The following KIAA1217 variants were observed in gnomAD, a reference collection of about 807,000 sequenced individuals.
The protein encoded by KIAA1217 is sickle tail protein homolog.
KIAA1217 carries 88 observed loss-of-function variants against 163.9 expected under a neutral mutation model. The observed-to-expected ratio is 0.54, with a 90% CI of 0.45 to 0.64. The LOEUF is 0.64. KIAA1217 is among the 30% of genes least tolerant of loss of function. KIAA1217 has a pLI of 0.00. For synonymous variants in KIAA1217, 903 were observed against 923.1 expected (o/e 0.98, Z 0.39); for missense variants, 2,372 against 2,475.0 (o/e 0.96, Z 0.88).
At position 24,261,292 on chromosome 10, in the gene KIAA1217, G is replaced by A. The variant is rs183669257; in HGVS notation, c.354+41383G>A. On this transcript the variant is annotated intron_variant, in intron 2 of 20. Coordinates refer to ENST00000376454, the MANE Select transcript of KIAA1217 (RefSeq NM_019590.5). ...GCAGGTGGATTACTTGAGGTCAGGC[G>A]TTTGAGACCAGCCTGGCCAACATGG... Among the ~76,000 whole-genome samples the A allele has an allele frequency of 6.6e-5, 10 of 152,128 alleles. No individual in the cohort carries two copies. The South Asian group carries it at 1.0e-3, about 16-fold the overall frequency.
chr10:24,327,114 G>C (rs2045024508), intron 2 of KIAA1217, among the ~76,000 whole-genome samples: 1 of 152,204 alleles, frequency 6.6e-6, no homozygotes, highest in Non-Finnish European at 1.5e-5. Context: ...ATATTAGAAT[G>C]GATGCAAGCT....
intron 1 of KIAA1217, among the ~76,000 whole-genome samples, chr10:23,745,003 CA>C (rs985790940): frequency 6.6e-6 from 1 of 151,630 alleles, no homozygotes; most frequent in African/African-American, 2.4e-5. Flanking sequence ...TAGGATCACC[CA>C]AAAAAAATCC....
At chr10:23,902,949 A>T (rs1307254612) in intron 1 of KIAA1217, among the ~76,000 whole-genome samples, 1 of 152,028 alleles carries the variant, frequency 6.6e-6, no homozygotes, top group Non-Finnish European at 1.5e-5. Context: ...GGGAAGGGGG[A>T]TTCTTAATGA....
chr10:24,470,469 C>G (rs2063389998), intron 5 of KIAA1217, among the ~76,000 whole-genome samples: 1 of 152,060 alleles, frequency 6.6e-6, no homozygotes, highest in African/African-American at 2.4e-5. Context: ...GCACCTGGAG[C>G]CTGACCTCGA....
rs1592411580 is a variant in KIAA1217 at position 24,497,339 on chromosome 10, C to A, written c.1834+2143C>A. On this transcript the variant is annotated intron_variant, in intron 8 of 20. Transcript: ENST00000376454. ...ACTGAGCATTAGATCATTTAACACACAAAACCCTATAAGGAAGATGTCATT... is the reference window on the plus strand; with the variant it reads ...ACTGAGCATTAGATCATTTAACACAAAAAACCCTATAAGGAAGATGTCATT... Among the ~76,000 whole-genome samples the A allele has an allele frequency of 2.0e-5, 3 of 152,250 alleles. No individual in the cohort carries two copies. The South Asian group carries it at 6.2e-4, about 32-fold the overall frequency.
chr10:23,760,619 A>G (rs754950529), intron 1 of KIAA1217, among the ~76,000 whole-genome samples: 1 of 152,154 alleles, frequency 6.6e-6, no homozygotes, highest in Non-Finnish European at 1.5e-5. Context: ...ATATAGGGGA[A>G]TGATTTTAAA....
At chr10:23,755,782 A>G (rs1833891268) in intron 1 of KIAA1217, among the ~76,000 whole-genome samples, 1 of 152,156 alleles carries the variant, frequency 6.6e-6, no homozygotes, top group African/African-American at 2.4e-5. Context: ...ACAAGAATCC[A>G]GTTAACCTCA....
intron 3 of KIAA1217, among the ~76,000 whole-genome samples, chr10:24,404,374 C>G (rs1249354309): frequency 2.0e-5 from 3 of 151,960 alleles, no homozygotes; most frequent in Non-Finnish European, 4.4e-5. Context: ...GGAGACCCTC[C>G]TGGCCAACAT....
intron 2 of KIAA1217, among the ~76,000 whole-genome samples, chr10:24,371,415 A>G (rs1395930722): frequency 6.6e-6 from 1 of 152,246 alleles, no homozygotes; most frequent in Non-Finnish European, 1.5e-5. Context: ...AAATTTACCT[A>G]GAATCAAATT....
At chr10:24,160,497 T>C (rs1356640609) in intron 2 of KIAA1217, among the ~76,000 whole-genome samples, 1 of 152,218 alleles carries the variant, frequency 6.6e-6, no homozygotes, top group African/African-American at 2.4e-5. Context: ...ATGGTATTTT[T>C]TTCTTAATTT....
At chr10:24,217,485 CAAG>C (rs775569668) in intron 1 of KIAA1217, among the ~76,000 whole-genome samples, 2 of 152,116 alleles carry the variant, frequency 1.3e-5, no homozygotes, top group Non-Finnish European at 2.9e-5. Flanking sequence ...GAAGGGTAAA[CAAG>C]AAGAATTATT....
chr10:24,385,059 G>T (rs1019037389), intron 3 of KIAA1217, among the ~76,000 whole-genome samples: 1 of 152,172 alleles, frequency 6.6e-6, no homozygotes, highest in African/African-American at 2.4e-5. Flanking sequence ...ACACTGGCAC[G>T]TGGTGCCACA....
chr10:23,762,931 A>G (rs1168528037), intron 1 of KIAA1217, among the ~76,000 whole-genome samples: 1 of 152,224 alleles, frequency 6.6e-6, no homozygotes, highest in Non-Finnish European at 1.5e-5. Flanking sequence ...TCAGGATATA[A>G]AATCAATGTG....
At chr10:24,199,619 T>C (rs1253936027) in intron 2 of KIAA1217, among the ~76,000 whole-genome samples, 2 of 152,248 alleles carry the variant, frequency 1.3e-5, no homozygotes, top group African/African-American at 4.8e-5. Flanking sequence ...CAGTTGACTG[T>C]TTTATGTGCA....
rs371168316 is a variant in KIAA1217, at chr10:24,128,554, T to A, written c.-170-91072T>A. On this transcript the variant is annotated intron_variant, in intron 2 of 18. Transcript: ENST00000376462. ...TGCTGATGCACACGACCTATTGATG[T>A]GCAGCTTCGCATGCCATGGGGACTC... Among the ~76,000 whole-genome samples, 69 of 152,338 alleles carry A rather than the reference T, an allele frequency of 4.5e-4. 1 individual carries two copies. The highest frequency in any genetic ancestry group is 1.6e-3 in the African/African-American group (68 of 41,584).
intron 2 of KIAA1217, among the ~76,000 whole-genome samples, chr10:24,304,618 G>A (rs1212473490): frequency 6.6e-6 from 1 of 152,120 alleles, no homozygotes. Flanking sequence ...ACAGGCATGA[G>A]CCACCAGACC....
At chr10:23,966,170 T>C (rs1421479866) in intron 1 of KIAA1217, among the ~76,000 whole-genome samples, 2 of 152,166 alleles carry the variant, frequency 1.3e-5, no homozygotes, top group African/African-American at 4.8e-5. Flanking sequence ...TGGAGATTCT[T>C]AATTTTTGAA....
At chr10:23,947,409 G>A (rs940834422) in intron 1 of KIAA1217, among the ~76,000 whole-genome samples, 4 of 152,136 alleles carry the variant, frequency 2.6e-5, no homozygotes, top group Non-Finnish European at 5.9e-5. Flanking sequence ...TCTTTGACTT[G>A]CAATTGGAGT....
chr10:23,848,470 A>G (rs1839147951), intron 1 of KIAA1217, among the ~76,000 whole-genome samples: 1 of 151,820 alleles, frequency 6.6e-6, no homozygotes, highest in African/African-American at 2.4e-5. Context: ...CCAAATGCCC[A>G]CTCAGCATCT....
Sources: gnomAD v4.1 joint callset for allele counts (sites outside exome capture counted in the v4.1 genomes callset) on GRCh38, gnomAD v4.1.1 for gene constraint, MANE v1.5 for transcripts, NCBI Gene and HGNC (gene_info 2026-07-23, HGNC 2026-07-21) for gene names.